Variants in GPATCH8 observed in about 807,000 individuals in gnomAD.
GPATCH8 encodes G patch domain-containing protein 8.
Under a neutral mutation model 118.3 loss-of-function variants are expected in GPATCH8, and 18 were observed. That is an observed-to-expected ratio of 0.15 (90% CI 0.11 to 0.23). The LOEUF (loss-of-function observed/expected upper bound fraction) is 0.23. Among genes scored for constraint, GPATCH8 ranks in the 10% least tolerant of loss-of-function variants. The pLI is 1.00. For missense variants in GPATCH8, 1,631 were observed against 1,873.8 expected (o/e 0.87, Z 2.39); for synonymous variants, 659 against 684.7 (o/e 0.96, Z 0.59).
At chr17:44,435,349 C>T (rs1280647991) in intron 4 of GPATCH8, among the ~76,000 whole-genome samples, 198 bp from the exon 5 acceptor site, 1 of 151,284 alleles carries the variant, frequency 6.6e-6, no homozygotes, top group Non-Finnish European at 1.5e-5. Context: ...CTGGTAGTTT[C>T]CAAAAGGCAC....
intron 1 of GPATCH8, among the ~76,000 whole-genome samples, chr17:44,481,587 T>C (rs1225069669): frequency 6.6e-6 from 1 of 152,200 alleles, no homozygotes; most frequent in East Asian, 1.9e-4. Context: ...TATGATGCGT[T>C]TTGTCAATAC....
rs770993057 is a variant in GPATCH8 at position 44,395,806 on chromosome 17, C to T, written c.*1762G>A. 30 of 453,934 alleles carry T rather than the reference C, an allele frequency of 6.6e-5. No homozygotes were observed. The highest frequency in any genetic ancestry group is 8.0e-5 in the African/African-American group (4 of 49,964). 28.1% of individuals were successfully genotyped at this position (453,934 alleles called of 1,614,324 possible). A position where few individuals can be genotyped will look rare whatever the true frequency, so the allele number is the denominator to read the frequency against. On this transcript the variant is annotated 3_prime_UTR_variant, in exon 8 of 8. Transcript: ENST00000591680. ...GACCAACCAACCAATTCTAGCCACA[C>T]GAATAGTTAGGAAAATGCCAAAGTG...
intron 6 of GPATCH8, among the ~76,000 whole-genome samples, chr17:44,421,279 T>C (rs2049891147): frequency 6.6e-6 from 1 of 151,746 alleles, no homozygotes; most frequent in African/African-American, 2.4e-5. Context: ...AGGCGGAGGT[T>C]GCAGTGAGCC....
At chr17:44,475,499 C>A (rs1360407097) in intron 1 of GPATCH8, among the ~76,000 whole-genome samples, 15 of 148,350 alleles carry the variant, frequency 1.0e-4, no homozygotes, top group Non-Finnish European at 1.5e-5. Flanking sequence ...GAGATTTAGA[C>A]CATCCTGACA....
intron 1 of GPATCH8, among the ~76,000 whole-genome samples, chr17:44,488,498 A>G (rs1316614545): frequency 2.6e-5 from 4 of 151,496 alleles, no homozygotes; most frequent in Non-Finnish European, 5.9e-5. Flanking sequence ...CCTCCCAAGT[A>G]GCCTGGGATT....
intron 6 of GPATCH8, among the ~76,000 whole-genome samples, chr17:44,417,070 T>C (rs1274128019): frequency 6.6e-6 from 1 of 152,102 alleles, no homozygotes; most frequent in Non-Finnish European, 1.5e-5. Context: ...CTCAATATAT[T>C]ACCCAGGCTT....
At chr17:44,477,649 G>GA (rs67573804) in intron 1 of GPATCH8, among the ~76,000 whole-genome samples, 12 of 145,554 alleles carry the variant, frequency 8.2e-5, no homozygotes, top group East Asian at 2.0e-4. Flanking sequence ...TAAAGAAAGG[G>GA]AAAAAAAAGA....
intron 3 of GPATCH8, among the ~76,000 whole-genome samples, chr17:44,442,108 C>T (rs1204122415): frequency 5.1e-5 from 7 of 136,578 alleles, no homozygotes; most frequent in Non-Finnish European, 7.7e-5. Flanking sequence ...TATATATATA[C>T]ATATATATAT....
intron 1 of GPATCH8, among the ~76,000 whole-genome samples, chr17:44,494,895 T>C (rs1229102378): frequency 6.6e-6 from 1 of 152,248 alleles, no homozygotes; most frequent in Non-Finnish European, 1.5e-5. Flanking sequence ...GCCCAATCAT[T>C]AATTCATTGT....
Position 44,397,024 on chromosome 17 carries a change from C to A in GPATCH8, c.*544G>T, listed in dbSNP as rs1396076582. The A allele has an allele frequency of 1.3e-5, 6 of 453,852 alleles. No homozygotes were observed. The highest frequency in any genetic ancestry group is 6.9e-5 in the East Asian group (1 of 14,408). The allele number at this position is 453,852 out of a possible 1,614,324, so 28.1% of individuals were successfully genotyped here. ...GAGTTATATCAGGTTCCAGGTGAGACGCTTTCCACCTCACCTGGGATAACG... is the reference window on the plus strand; with the variant it reads ...GAGTTATATCAGGTTCCAGGTGAGAAGCTTTCCACCTCACCTGGGATAACG... On this transcript the variant is annotated 3_prime_UTR_variant, in exon 8 of 8. Coordinates refer to ENST00000591680, the MANE Select transcript of GPATCH8 (RefSeq NM_001002909.4).
intron 1 of GPATCH8, among the ~76,000 whole-genome samples, chr17:44,479,638 C>T (rs915412812): frequency 1.3e-5 from 2 of 152,116 alleles, no homozygotes; most frequent in Admixed American, 6.6e-5. Flanking sequence ...CAAATATTTT[C>T]GTAGAGACAA....
In GPATCH8 at chr17:44,482,647, GTATACC is replaced by G. The variant is rs570953408; in HGVS notation, c.46-7750_46-7745del. 4.7e-3 allele frequency among the ~76,000 whole-genome samples: 705 copies of G among 149,944 alleles called. 9 individuals carry two copies. The highest frequency in any genetic ancestry group is 3.4e-3 in the Non-Finnish European group (228 of 67,746). ...GGTGCAGCAAACCACCATGGTACATGTATACCTATGCAACAAACCTGCATGTTTTGC... is the reference window on the plus strand; with the variant it reads ...GGTGCAGCAAACCACCATGGTACATGTATGCAACAAACCTGCATGTTTTGC... On this transcript the variant is annotated intron_variant, in intron 1 of 7. Transcript: ENST00000591680.
At chr17:44,404,312 G>T (rs1000366275) in intron 7 of GPATCH8, among the ~76,000 whole-genome samples, 7 of 151,454 alleles carry the variant, frequency 4.6e-5, no homozygotes, top group Non-Finnish European at 8.8e-5. Context: ...TAATTTTTAA[G>T]ATTTTTTTTT....
intron 6 of GPATCH8, among the ~76,000 whole-genome samples, chr17:44,408,185 T>A (rs563034457): frequency 7.3e-5 from 11 of 151,640 alleles, no homozygotes; most frequent in Non-Finnish European, 1.0e-4. Flanking sequence ...ACATCTGCCA[T>A]TTTCTCTTTT....
chr17:44,499,323 A>T (rs1969891320), intron 1 of GPATCH8, among the ~76,000 whole-genome samples: 1 of 152,154 alleles, frequency 6.6e-6, no homozygotes, highest in African/African-American at 2.4e-5. Context: ...CAAAAAAATT[A>T]GCTGGACATG....
At chr17:44,429,420 T>C (rs2050210459) in intron 5 of GPATCH8, among the ~76,000 whole-genome samples, 1 of 152,048 alleles carries the variant, frequency 6.6e-6, no homozygotes, top group Non-Finnish European at 1.5e-5. Context: ...CTTACAGCAA[T>C]GGAAACAAGA....
At chr17:44,456,716 CCATTT>C (rs1268369953) in intron 3 of GPATCH8, among the ~76,000 whole-genome samples, 1 of 152,102 alleles carries the variant, frequency 6.6e-6, no homozygotes, top group Non-Finnish European at 1.5e-5. Flanking sequence ...ATTGTATTCA[CCATTT>C]ATTTCCTAAC....
chr17:44,456,046 C>A (rs1289180656), intron 3 of GPATCH8, among the ~76,000 whole-genome samples: 3 of 152,040 alleles, frequency 2.0e-5, no homozygotes, highest in Non-Finnish European at 4.4e-5. Context: ...AGCGCCCAGA[C>A]AAAAAATGAT....
At chr17:44,493,056 T>TTTTTTTTG (rs1215649285) in intron 1 of GPATCH8, among the ~76,000 whole-genome samples, 1 of 145,918 alleles carries the variant, frequency 6.9e-6, no homozygotes, top group Non-Finnish European at 1.5e-5. Context: ...GCCATTAGGT[T>TTTTTTTTG]TTTTTTTTTT....
Sources: allele counts gnomAD v4.1 joint callset (sites outside exome capture counted in the v4.1 genomes callset), GRCh38; gene constraint gnomAD v4.1.1; transcripts MANE v1.5; gene names NCBI Gene and HGNC (gene_info 2026-07-23, HGNC 2026-07-21).